MYO10: variants seen among roughly 807,000 people sequenced by gnomAD.
MYO10 encodes myosin X, also known as unconventional myosin-X.
A neutral mutation model predicts 257.3 loss-of-function variants in MYO10; 133 were observed. The ratio of observed to expected loss-of-function variants is 0.52; its 90% CI spans 0.45 to 0.60. The LOEUF (loss-of-function observed/expected upper bound fraction) is 0.60. Among genes scored for constraint, MYO10 ranks in the 20% least tolerant of loss-of-function variants. The probability of loss-of-function intolerance (pLI) is 0.00; values close to 1 mark genes in which losing one functional copy is unlikely to be tolerated. For synonymous variants in MYO10, 1,104 were observed against 1,028.6 expected (o/e 1.07, Z -1.40); for missense variants, 2,399 against 2,635.7 (o/e 0.91, Z 1.97).
chr5:16,857,349 A>G (rs74412552), intron 2 of MYO10, among the ~76,000 whole-genome samples: 1,881 of 152,316 alleles, frequency 0.012, 34 homozygotes, highest in Middle Eastern at 0.034. Context: ...AAAGGTACTC[A>G]GGCTGTGAAA....
At chr5:16,786,853 ACT>A (rs1401698737) in intron 4 of MYO10, among the ~76,000 whole-genome samples, 1 of 139,438 alleles carries the variant, frequency 7.2e-6, no homozygotes, top group Non-Finnish European at 1.6e-5. Context: ...TGGGTGTAGA[ACT>A]CTGTCATTTT....
chr5:16,874,657 T>C (rs1269412672), intron 2 of MYO10, among the ~76,000 whole-genome samples: 2 of 152,178 alleles, frequency 1.3e-5, no homozygotes, highest in African/African-American at 2.4e-5. Flanking sequence ...GATTTCATCA[T>C]CCATATTTTT....
intron 2 of MYO10, among the ~76,000 whole-genome samples, chr5:16,827,185 T>C (rs767862025): frequency 1.3e-5 from 2 of 152,208 alleles, no homozygotes; most frequent in Non-Finnish European, 2.9e-5. Context: ...AGGTCTACTC[T>C]GCTAGCGTGC....
chr5:16,745,386 A>T (rs971891087), intron 19 of MYO10, among the ~76,000 whole-genome samples: 5 of 151,812 alleles, frequency 3.3e-5, no homozygotes, highest in African/African-American at 1.2e-4. Context: ...GGGCTTAAAA[A>T]ACAAAAATTC....
intron 19 of MYO10, among the ~76,000 whole-genome samples, chr5:16,747,169 C>G (rs1047797127): frequency 6.6e-6 from 1 of 152,190 alleles, no homozygotes; most frequent in Admixed American, 6.5e-5. Context: ...TAGAAGGGGT[C>G]AGCTGAGGGA....
intron 19 of MYO10, chr5:16,742,275 T>G (rs1740044188): frequency 1.0e-6 from 1 of 981,282 alleles, no homozygotes; most frequent in Non-Finnish European, 1.2e-6. Context: ...TCTACAGAGC[T>G]CTGATGAATA....
chr5:16,854,589 G>A (rs542621967), intron 2 of MYO10, among the ~76,000 whole-genome samples: 3 of 152,090 alleles, frequency 2.0e-5, no homozygotes, highest in Non-Finnish European at 4.4e-5. Context: ...GGGTTACAGC[G>A]TTTCTATTTT....
At chr5:16,907,026 A>C (rs1201297372) in intron 1 of MYO10, among the ~76,000 whole-genome samples, 1 of 152,154 alleles carries the variant, frequency 6.6e-6, no homozygotes, top group Non-Finnish European at 1.5e-5. Flanking sequence ...AGGCAGGAGA[A>C]TCACTTGAAC....
In MYO10 at chr5:16,856,713, C is replaced by T. The variant is rs1743970502; in HGVS notation, c.120+20896G>A. ...TTCCGGGATCTGATGGGGGCAGGGA[C>T]GAGGGTAAGGAAGCAGGTGCCAGCA... On this transcript the variant is annotated intron_variant, in intron 2 of 40. Transcript: ENST00000513610. 3.3e-5 allele frequency among the ~76,000 whole-genome samples: 5 copies of T among 151,940 alleles called. No individual in the cohort carries two copies. In the South Asian group the frequency reaches 1.0e-3, roughly 32 times the overall value.
chr5:16,700,895 T>G, intron 25 of MYO10, 68 bp downstream of exon 25: 2 of 1,447,952 alleles, frequency 1.4e-6, no homozygotes, highest in Non-Finnish European at 1.8e-6. Context: ...TCATTCAACT[T>G]GAGGATGCAA....
In MYO10 at chr5:16,763,729, T is replaced by C; in HGVS notation, c.1353A>G (p.Ile451Met). ...CCTGAAGTTTCTCGTTTGCATAGTTTATATTGAACTGTTCAAAGTGATTAA... is the reference window on the plus strand; with the variant it reads ...CCTGAAGTTTCTCGTTTGCATAGTTCATATTGAACTGTTCAAAGTGATTAA... ...FEVNHFEQFNINYANEKLQEY... is the reference protein window; with the variant it reads ...FEVNHFEQFNMNYANEKLQEY... The change falls in exon 13 of 41, where the codon ATA becomes ATG. Residue 451 changes from isoleucine (I) to methionine (M), a missense_variant. Ile to Met is a conservative substitution (Grantham distance 10). Around this residue, in one of 3 missense-constraint regions of MYO10, gnomAD observed 337 missense variants for 446.8 expected, o/e 0.75. Transcript: ENST00000513610. 1 of 1,605,218 alleles carries C rather than the reference T, an allele frequency of 6.2e-7. No individual in the cohort carries two copies. The highest frequency in any genetic ancestry group is 1.1e-5 in the South Asian group (1 of 90,494).
At chr5:16,870,625 A>G (rs895464450) in intron 2 of MYO10, among the ~76,000 whole-genome samples, 2 of 146,240 alleles carry the variant, frequency 1.4e-5, no homozygotes, top group Admixed American at 6.7e-5. Context: ...AGGCACGGTG[A>G]CTCACACCTG....
At chr5:16,742,395 T>C (rs1350388643) in intron 19 of MYO10, among the ~76,000 whole-genome samples, 1 of 152,182 alleles carries the variant, frequency 6.6e-6, no homozygotes, top group Non-Finnish European at 1.5e-5. Flanking sequence ...TTTACTAAAA[T>C]TTCCTCCAAA....
chr5:16,711,165 T>A lies in MYO10; in HGVS notation c.2010A>T (p.Lys670Asn). 6.2e-7 allele frequency: 1 copy of A among 1,613,886 alleles called. No individual in the cohort carries two copies. Among genetic ancestry groups the A allele is most frequent in the Non-Finnish European group, 8.5e-7 (1 of 1,179,840 alleles). ...SGMLETVRIR[K>N]AGYAVRRPFQ... ...AGGGTCTTCGGACCGCATACCCAGC[T>A]TTGCGGATTCTCACAGTCTCCAGCA... is the stretch of plus-strand genomic sequence containing the variant. Residue 670 changes from lysine to asparagine, a missense_variant, in exon 20 of 41, where the codon AAA becomes AAT. This residue lies in a region of MYO10 where 1,820 missense variants were observed against 1,939.4 expected (regional missense o/e 0.94). Coordinates refer to ENST00000513610, the MANE Select transcript of MYO10 (RefSeq NM_012334.3).
chr5:16,870,141 C>T lies in MYO10; in HGVS notation c.120+7468G>A, dbSNP rs376896685. ...TTTAATTCACCTGAGAATTATGATG[C>T]CGCAGTCAGCCCAACTCCTGGCCGC... On this transcript the variant is annotated intron_variant, in intron 2 of 40. Coordinates refer to ENST00000513610, the MANE Select transcript of MYO10 (RefSeq NM_012334.3). Among the ~76,000 whole-genome samples, 6 of 151,282 alleles carry T rather than the reference C, an allele frequency of 4.0e-5. 1 individual carries two copies. Among genetic ancestry groups the T allele is most frequent in the African/African-American group, 1.5e-4 (6 of 40,766 alleles).
At chr5:16,674,060 A>G (rs1736605633) in intron 35 of MYO10, among the ~76,000 whole-genome samples, 171 bp from the exon 36 acceptor site, 1 of 152,146 alleles carries the variant, frequency 6.6e-6, no homozygotes. Context: ...TGTGCAGTTC[A>G]ATTTAAATAC....
chr5:16,735,525 G>A (rs1052729498), intron 19 of MYO10, among the ~76,000 whole-genome samples: 1 of 151,804 alleles, frequency 6.6e-6, no homozygotes, highest in Non-Finnish European at 1.5e-5. Flanking sequence ...GGCAATATAG[G>A]GAGACCCCAT....
At chr5:16,779,220 G>A (rs1741326612) in intron 9 of MYO10, among the ~76,000 whole-genome samples, 2 of 152,180 alleles carry the variant, frequency 1.3e-5, no homozygotes, top group Admixed American at 1.3e-4. Context: ...GCTGGTTCCA[G>A]AGTGAAGCCC....
chr5:16,891,395 G>A (rs1745055957), intron 1 of MYO10, among the ~76,000 whole-genome samples: 1 of 150,280 alleles, frequency 6.7e-6, no homozygotes. Flanking sequence ...AGAGAGGAAG[G>A]AGGAAGGAGG....
Sources: allele counts gnomAD v4.1 joint callset (sites outside exome capture counted in the v4.1 genomes callset), GRCh38; gene constraint gnomAD v4.1.1; regional missense constraint gnomAD v4.1.1; transcripts MANE v1.5; gene names NCBI Gene and HGNC (gene_info 2026-07-23, HGNC 2026-07-21).